The following BLNK variants were observed in gnomAD, a reference collection of about 807,000 sequenced individuals.
BLNK encodes the protein B cell linker, also known as B-cell linker protein.
BLNK carries 29 observed loss-of-function variants against 73.5 expected under a neutral mutation model. The ratio of observed to expected loss-of-function variants is 0.39; its 90% confidence interval spans 0.29 to 0.54. BLNK has a LOEUF of 0.54. Ranked by LOEUF, BLNK falls within the 20% of genes least tolerant of loss-of-function variation. The probability of loss-of-function intolerance (pLI) is 0.61; values close to 1 mark genes in which losing one functional copy is unlikely to be tolerated. For missense variants in BLNK, 460 were observed against 562.8 expected, an observed-to-expected ratio of 0.82 and a Z score of 1.85; for synonymous variants, 176 against 200.8, an observed-to-expected ratio of 0.88 and a Z score of 1.04.
At chr10:96,198,604 T>C (rs1433629725) in intron 15 of BLNK, among the ~76,000 whole-genome samples, 1 of 152,202 alleles carries the variant, frequency 6.6e-6, no homozygotes, top group Non-Finnish European at 1.5e-5. Context: ...CACAATCTAG[T>C]GGAGCAACAC....
At chr10:96,269,473 A>G (rs1207193013) in intron 1 of BLNK, among the ~76,000 whole-genome samples, 9 of 150,716 alleles carry the variant, frequency 6.0e-5, no homozygotes, top group Admixed American at 5.9e-4. Context: ...GAAGGTGCCT[A>G]GTTAGTTTCT....
intron 13 of BLNK, among the ~76,000 whole-genome samples, chr10:96,203,284 C>A (rs2083699265): frequency 1.3e-5 from 2 of 151,876 alleles, no homozygotes; most frequent in South Asian, 4.1e-4. Flanking sequence ...TTTGTGTTGT[C>A]AGAATTTTTT....
intron 2 of BLNK, among the ~76,000 whole-genome samples, chr10:96,244,770 A>G (rs1842988967): frequency 6.6e-6 from 1 of 152,188 alleles, no homozygotes; most frequent in African/African-American, 2.4e-5. Flanking sequence ...GGCAGAATGT[A>G]TGAAACAGAG....
At chr10:96,246,834 C>A (rs1554907712) in intron 2 of BLNK, 150 bp downstream of exon 2, 1 of 594,774 alleles carries the variant, frequency 1.7e-6, no homozygotes, top group Non-Finnish European at 2.9e-6. Context: ...GTAGACCTGG[C>A]CACCATGGAT....
rs2083292409 is a variant in BLNK at position 96,189,209 on chromosome 10, C to A, written c.*2764G>T. ...TTAATAATGAAACAGGCATTTTGGACAACACATTCTTGGCAATGGAACCTG... is the reference window on the plus strand; with the variant it reads ...TTAATAATGAAACAGGCATTTTGGAAAACACATTCTTGGCAATGGAACCTG... On this transcript the variant is annotated 3_prime_UTR_variant, in exon 17 of 17. Transcript: ENST00000224337. 6.6e-6 allele frequency among the ~76,000 whole-genome samples: 1 copy of A among 152,138 alleles called. No homozygotes were observed. The highest frequency in any genetic ancestry group is 6.5e-5 in the Admixed American group (1 of 15,274).
At chr10:96,215,205 C>A in intron 8 of BLNK, 116 bp downstream of exon 8, 1 of 1,149,954 alleles carries the variant, frequency 8.7e-7, no homozygotes, top group Non-Finnish European at 1.3e-6. Flanking sequence ...TGAGGACTGG[C>A]CTTCTGTTCC....
intron 2 of BLNK, among the ~76,000 whole-genome samples, chr10:96,244,438 A>G (rs1842973440): frequency 6.6e-6 from 1 of 152,236 alleles, no homozygotes; most frequent in African/African-American, 2.4e-5. Flanking sequence ...ACTCAACACT[A>G]GGAATAAAAG....
At chr10:96,194,415 G>C (rs587597297) in intron 16 of BLNK, among the ~76,000 whole-genome samples, 2 of 152,208 alleles carry the variant, frequency 1.3e-5, no homozygotes, top group East Asian at 3.9e-4. Flanking sequence ...AAATGTAGGG[G>C]GGAAACACCA....
chr10:96,266,691 C>T (rs781963221), intron 1 of BLNK, among the ~76,000 whole-genome samples: 11 of 152,160 alleles, frequency 7.2e-5, no homozygotes, highest in African/African-American at 1.2e-4. Flanking sequence ...GGAAACCAGA[C>T]GGTCCAGGAA....
Position 96,201,047 on chromosome 10 carries a change from C to G in BLNK, c.946G>C (p.Gly316Arg). 6.2e-7 allele frequency: 1 copy of G among 1,614,040 alleles called. No individual in the cohort carries two copies. Among genetic ancestry groups the G allele is most frequent in the Non-Finnish European group, 8.5e-7 (1 of 1,179,910 alleles). Residue 316 changes from glycine to arginine, a missense_variant, in exon 14 of 17, where the codon GGG becomes CGG. Gly to Arg is a moderately radical substitution (Grantham distance 125, BLOSUM62 -2). Around this residue, in one of 3 missense-constraint regions of BLNK, gnomAD observed 233 missense variants for 232.1 expected, o/e 1.00. Transcript: ENST00000224337. ...GGCCCATCCACAGTTGGGTTTCCCC[C>G]TTCTGTAAATCCTGAAAGGGATCAG... is the stretch of plus-strand genomic sequence containing the variant. ...KPIPLPRFTEGGNPTVDGPLP... is the reference protein window; with the variant it reads ...KPIPLPRFTERGNPTVDGPLP...
intron 9 of BLNK, 148 bp downstream of exon 9, chr10:96,209,690 G>T: frequency 2.0e-6 from 2 of 998,060 alleles, no homozygotes; most frequent in Non-Finnish European, 3.2e-6. Context: ...ACCATGCCTG[G>T]CTCATTTGAT....
intron 15 of BLNK, 69 bp from the exon 16 acceptor site, chr10:96,197,132 C>T: frequency 3.0e-6 from 4 of 1,322,632 alleles, no homozygotes; most frequent in Non-Finnish European, 4.2e-6. Context: ...TTCAAAAAAT[C>T]ATTTTGTGAA....
intron 11 of BLNK, 120 bp downstream of exon 11, chr10:96,206,891 A>G: frequency 9.1e-7 from 1 of 1,099,214 alleles, no homozygotes. Context: ...TATTTTGTTT[A>G]GAAAATTGAG....
At chr10:96,202,950 C>T (rs1462878227) in intron 13 of BLNK, among the ~76,000 whole-genome samples, 2 of 152,208 alleles carry the variant, frequency 1.3e-5, no homozygotes, top group African/African-American at 4.8e-5. Context: ...CAGCAGCAGC[C>T]CTCCCTGCCT....
Position 96,192,111 on chromosome 10 carries a change from G to A in BLNK, c.1252-19C>T. 8.1e-6 allele frequency: 13 copies of A among 1,613,152 alleles called. No individual in the cohort carries two copies. The highest frequency in any genetic ancestry group is 1.1e-5 in the Non-Finnish European group (13 of 1,179,516). On this transcript the variant is annotated intron_variant, in intron 16 of 16. Transcript: ENST00000224337. ...CAAAGTACTAGAGGAAGAAAACATAGATGAATTATACTTTGGCATTTGTGT... is the reference window on the plus strand; with the variant it reads ...CAAAGTACTAGAGGAAGAAAACATAAATGAATTATACTTTGGCATTTGTGT...
Position 96,242,758 on chromosome 10 carries a change from A to G in BLNK, c.140T>C (p.Val47Ala). 1 of 1,614,156 alleles carries G rather than the reference A, an allele frequency of 6.2e-7. No individual in the cohort carries two copies. Among genetic ancestry groups the G allele is most frequent in the Non-Finnish European group, 8.5e-7 (1 of 1,179,960 alleles). Residue 47 changes from valine (V) to alanine (A), a missense_variant, in exon 3 of 17, where the codon GTT (valine) becomes GCT (alanine). By Grantham distance (64) the Val-to-Ala change is moderately conservative. This residue lies in a region of BLNK where 139 missense variants were observed against 187.3 expected (regional missense o/e 0.74). Transcript: ENST00000224337. ...KKLKVKAPPS[V>A]PRRDYASESP... is the part of the protein sequence containing the mutation. ...ACCTGAAGCGTAGTCCCTTCGAGGA[A>G]CACTTGGAGGTGCTTTGACTTTTAG...
intron 3 of BLNK, among the ~76,000 whole-genome samples, chr10:96,237,420 G>A (rs1402287177): frequency 6.6e-6 from 1 of 152,152 alleles, no homozygotes; most frequent in Non-Finnish European, 1.5e-5. Flanking sequence ...CTCCCTGCAT[G>A]ATAGCAGAGC....
rs1287219735 is a variant in BLNK at position 96,224,056 on chromosome 10, T to C, written c.362-67A>G. The C allele has an allele frequency of 1.1e-5, 18 of 1,584,738 alleles. No homozygotes were observed. The African/African-American group carries it at 2.0e-4, about 18-fold the overall frequency. ...TGGATCATTTCCTGGGTGGAAGCCA[T>C]TGAGATCCAGAAAGTATAAAACCAC... On this transcript the variant is annotated intron_variant, in intron 5 of 16. Transcript: ENST00000224337.
chr10:96,196,213 T>G (rs1554894637), intron 16 of BLNK, among the ~76,000 whole-genome samples: 1 of 152,218 alleles, frequency 6.6e-6, no homozygotes, highest in African/African-American at 2.4e-5. Context: ...CCAACTTACA[T>G]TCTACCCATT....
Sources: allele counts gnomAD v4.1 joint callset (sites outside exome capture counted in the v4.1 genomes callset), GRCh38; gene constraint gnomAD v4.1.1; regional missense constraint gnomAD v4.1.1; transcripts MANE v1.5; gene names NCBI Gene and HGNC (gene_info 2026-07-23, HGNC 2026-07-21).